The following DSCAML1 variants were observed in gnomAD, a reference collection of about 807,000 sequenced individuals.
The protein encoded by DSCAML1 is DS cell adhesion molecule like 1.
DSCAML1 carries 38 observed loss-of-function variants against 200.5 expected under a neutral mutation model. That is an observed-to-expected ratio of 0.19 (90% CI 0.15 to 0.25). The LOEUF (loss-of-function observed/expected upper bound fraction) is 0.25, where lower values mean the gene tolerates loss of function less well. Among genes scored for constraint, DSCAML1 ranks in the 10% least tolerant of loss-of-function variants. The pLI is 1.00. For synonymous variants in DSCAML1, 1,215 were observed against 1,165.0 expected (o/e 1.04, Z -0.87); for missense variants, 2,223 against 2,858.8 (o/e 0.78, Z 5.07).
At chr11:117,512,761 TCACACACACACACACACACACACA>T (rs71037482) in intron 8 of DSCAML1, among the ~76,000 whole-genome samples, 3 of 113,090 alleles carry the variant, frequency 2.7e-5, no homozygotes, top group African/African-American at 1.1e-4. Flanking sequence ...TCCTCTAGGA[TCACACACACACACACACACACACA>T]CACACACACA....
chr11:117,575,062 G>A (rs544976595), intron 3 of DSCAML1, among the ~76,000 whole-genome samples: 62 of 152,270 alleles, frequency 4.1e-4, no homozygotes, highest in African/African-American at 1.5e-3. Flanking sequence ...ATGGTCATAG[G>A]CGCCTGTAAT....
intron 1 of DSCAML1, among the ~76,000 whole-genome samples, chr11:117,793,769 C>T: frequency 6.6e-6 from 1 of 152,336 alleles, no homozygotes; most frequent in Non-Finnish European, 1.5e-5. Flanking sequence ...GCCTTTGGGT[C>T]TACTGCTTAC....
At chr11:117,520,996 G>A (rs912161283) in intron 6 of DSCAML1, 134 bp downstream of exon 6, 10 of 1,200,358 alleles carry the variant, frequency 8.3e-6, no homozygotes, top group African/African-American at 6.1e-5. Flanking sequence ...CCCTTAGGGT[G>A]AGATGGTGCA....
intron 3 of DSCAML1, among the ~76,000 whole-genome samples, chr11:117,532,867 G>A (rs1007151261): frequency 2.4e-4 from 37 of 152,060 alleles, no homozygotes; most frequent in Admixed American, 2.6e-4. Context: ...GCTCGCACCT[G>A]TAATCCCAAT....
intron 3 of DSCAML1, among the ~76,000 whole-genome samples, chr11:117,664,013 A>C (rs1413490885): frequency 6.6e-6 from 1 of 152,228 alleles, no homozygotes. Context: ...CAAACATTGG[A>C]GACACAACAG....
At chr11:117,756,202 G>T (rs979186431) in intron 3 of DSCAML1, among the ~76,000 whole-genome samples, 7 of 152,342 alleles carry the variant, frequency 4.6e-5, no homozygotes, top group African/African-American at 1.7e-4. Flanking sequence ...CTGGGGACAG[G>T]AAGGAAGGTC....
chr11:117,440,600 C>T (rs1465159810), intron 21 of DSCAML1, among the ~76,000 whole-genome samples: 22 of 152,176 alleles, frequency 1.4e-4, no homozygotes, highest in Middle Eastern at 3.4e-3. Context: ...CTTAGAAAGC[C>T]GCCACCAGAG....
intron 3 of DSCAML1, among the ~76,000 whole-genome samples, chr11:117,705,668 A>C (rs80073180): frequency 0.01 from 1,541 of 152,294 alleles, 23 homozygotes; most frequent in African/African-American, 0.034. Context: ...GCCTCTAAGC[A>C]GAGCTCTAAA....
At chr11:117,621,218 T>C (rs1418422591) in intron 3 of DSCAML1, among the ~76,000 whole-genome samples, 1 of 152,254 alleles carries the variant, frequency 6.6e-6, no homozygotes, top group East Asian at 1.9e-4. Context: ...GTCAGGCATG[T>C]TACTTAAAAT....
chr11:117,483,498 C>T (rs2048972545), intron 11 of DSCAML1, among the ~76,000 whole-genome samples: 1 of 152,222 alleles, frequency 6.6e-6, no homozygotes, highest in Admixed American at 6.5e-5. Flanking sequence ...ATAGGACAAA[C>T]ATGGCGTGAT....
chr11:117,573,124 T>C (rs1215858553), intron 3 of DSCAML1, among the ~76,000 whole-genome samples: 1 of 152,200 alleles, frequency 6.6e-6, no homozygotes, highest in African/African-American at 2.4e-5. Context: ...TGGCACCAGC[T>C]AGCACTCGAA....
intron 3 of DSCAML1, among the ~76,000 whole-genome samples, chr11:117,651,711 CAA>C (rs1193144259): frequency 1.4e-3 from 44 of 31,092 alleles, no homozygotes; most frequent in African/African-American, 3.0e-3. Context: ...GACTCTGTCT[CAA>C]AAAAAAAAAA....
At chr11:117,650,536 G>T (rs758872879) in intron 3 of DSCAML1, among the ~76,000 whole-genome samples, 1 of 152,146 alleles carries the variant, frequency 6.6e-6, no homozygotes, top group Non-Finnish European at 1.5e-5. Flanking sequence ...ACGCAGCCTC[G>T]TGCAAAGAGG....
intron 20 of DSCAML1, among the ~76,000 whole-genome samples, chr11:117,448,005 C>A (rs539102165): frequency 5.3e-5 from 8 of 152,248 alleles, no homozygotes; most frequent in Non-Finnish European, 1.2e-4. Flanking sequence ...CCCTACAGGG[C>A]TGAACTGAAG....
rs917964999 is a variant in DSCAML1 at position 117,439,498 on chromosome 11, G to C, written c.3981-69C>G. ...CCTTCCTCCTGAGGCCCTCCCCCCG[G>C]TGTGTGACAAAGAGAGCTGGGGGTG... On this transcript the variant is annotated intron_variant, in intron 22 of 32. Coordinates refer to ENST00000651296, the MANE Select transcript of DSCAML1 (RefSeq NM_020693.4). 1.1e-5 allele frequency: 17 copies of C among 1,554,668 alleles called. No individual in the cohort carries two copies. In the East Asian group the frequency reaches 1.1e-4, roughly 10 times the overall value.
chr11:117,793,069 G>A (rs1387382810), intron 1 of DSCAML1, among the ~76,000 whole-genome samples: 1 of 152,188 alleles, frequency 6.6e-6, no homozygotes, highest in African/African-American at 2.4e-5. Flanking sequence ...GCCAATGACT[G>A]GCTGCTACTG....
chr11:117,433,076 T>A, intron 29 of DSCAML1, 62 bp downstream of exon 29: 13 of 1,467,978 alleles, frequency 8.9e-6, no homozygotes, highest in Non-Finnish European at 1.2e-5. Context: ...TTGACTTCCA[T>A]GGGTTGTAGC....
rs1369441204 is a variant in DSCAML1, at chr11:117,461,341, CCT to C, written c.3412+107_3412+108del. On this transcript the variant is annotated intron_variant, in intron 18 of 32. Transcript: ENST00000651296. The stretch of plus-strand genomic sequence containing the variant: ...GTGTGGAGAAGAGGGGGCTGCACTT[CCT>C]CTTGCCAAGCTGTGGGAGGATGCTC... 6 of 1,510,806 alleles carry C rather than the reference CCT, an allele frequency of 4.0e-6. No individual in the cohort carries two copies. In the African/African-American group the frequency reaches 8.2e-5, roughly 21 times the overall value. The allele number at this position is 1,510,806 out of a possible 1,614,324, so 93.6% of individuals were successfully genotyped here.
chr11:117,461,395 TCCACTGAC>T, intron 18 of DSCAML1, 47 bp downstream of exon 18: 1 of 1,609,858 alleles, frequency 6.2e-7, no homozygotes, highest in Admixed American at 1.7e-5. Flanking sequence ...GGAAGCAGAC[TCCACTGAC>T]CTGCGCCTCT....
Sources: allele counts gnomAD v4.1 joint callset (sites outside exome capture counted in the v4.1 genomes callset), GRCh38; gene constraint gnomAD v4.1.1; transcripts MANE v1.5; gene names NCBI Gene and HGNC (gene_info 2026-07-23, HGNC 2026-07-21).